Variants in HK2 observed in about 807,000 individuals in gnomAD.
HK2 encodes hexokinase-2.
Under a neutral mutation model 92.9 loss-of-function variants are expected in HK2, and 42 were observed. The ratio of observed to expected loss-of-function variants is 0.45; its 90% CI spans 0.35 to 0.58. The LOEUF (loss-of-function observed/expected upper bound fraction) is 0.58. Ranked by LOEUF, HK2 falls within the 20% of genes least tolerant of loss-of-function variation. The pLI is 0.00. For missense variants in HK2, 978 were observed against 1,245.1 expected, an observed-to-expected ratio of 0.79 and a Z score of 3.23; for synonymous variants, 422 against 468.0, an observed-to-expected ratio of 0.90 and a Z score of 1.27.
chr2:74,877,254 G>C lies in HK2; in HGVS notation c.964G>C (p.Gly322Arg). The change falls in exon 8 of 18, where the codon GGG (glycine) becomes CGG (arginine). Residue 322 changes from glycine to arginine, a missense_variant. This residue lies in a region of HK2 where 742 missense variants were observed against 922.5 expected (regional missense o/e 0.80). Coordinates refer to ENST00000290573, the MANE Select transcript of HK2 (RefSeq NM_000189.5). Reference sequence around the variant, plus strand: ...GGCCAAGGAGGAGCTGCTCTTTGGGGGGAAGCTCAGCCCAGAGCTTCTCAA... The same window carrying C: ...GGCCAAGGAGGAGCTGCTCTTTGGGCGGAAGCTCAGCCCAGAGCTTCTCAA... ...KMAKEELLFG[G>R]KLSPELLNTG... The C allele has an allele frequency of 6.2e-7, 1 of 1,614,170 alleles. No homozygotes were observed. The highest frequency in any genetic ancestry group is 1.1e-5 in the South Asian group (1 of 91,086).
intron 1 of HK2, among the ~76,000 whole-genome samples, chr2:74,850,507 A>G (rs1031216998): frequency 1.3e-5 from 2 of 152,152 alleles, no homozygotes; most frequent in Non-Finnish European, 2.9e-5. Flanking sequence ...TACTATGTTT[A>G]GTGGGATTTT....
chr2:74,871,494 C>T (rs935547329), intron 3 of HK2, among the ~76,000 whole-genome samples: 2 of 152,112 alleles, frequency 1.3e-5, no homozygotes, highest in Admixed American at 6.5e-5. Context: ...GCAAGAAGGA[C>T]GCCAGGGGAT....
chr2:74,889,171 T>C (rs1282057181), intron 16 of HK2, 74 bp from the exon 17 acceptor site: 4 of 1,252,678 alleles, frequency 3.2e-6, no homozygotes, highest in Non-Finnish European at 4.6e-6. Flanking sequence ...CTGTAAGGAC[T>C]CAGGCCCTGG....
chr2:74,839,341 C>T (rs1371820662), intron 1 of HK2, among the ~76,000 whole-genome samples: 5 of 152,232 alleles, frequency 3.3e-5, no homozygotes, highest in East Asian at 3.9e-4. Flanking sequence ...TTAGTCCGCA[C>T]GTATGGGATT....
intron 2 of HK2, among the ~76,000 whole-genome samples, chr2:74,859,291 C>G (rs777601953): frequency 2.6e-5 from 4 of 152,100 alleles, no homozygotes; most frequent in Non-Finnish European, 5.9e-5. Context: ...AGGGTTCAGA[C>G]GTATACTTAC....
intron 9 of HK2, among the ~76,000 whole-genome samples, chr2:74,879,550 G>C (rs1689328390): frequency 6.6e-6 from 1 of 152,200 alleles, no homozygotes; most frequent in Admixed American, 6.5e-5. Flanking sequence ...ACTCGAGTGT[G>C]CACGTGAATC....
At chr2:74,873,965 A>G (rs763046913) in intron 6 of HK2, 22 bp downstream of exon 6, 1 of 1,572,334 alleles carries the variant, frequency 6.4e-7, no homozygotes, top group South Asian at 1.1e-5. Flanking sequence ...CCGTGCATGA[A>G]GGGCCCGTGC....
intron 7 of HK2, among the ~76,000 whole-genome samples, chr2:74,876,253 A>G (rs573188618): frequency 6.6e-6 from 1 of 152,268 alleles, no homozygotes; most frequent in South Asian, 2.1e-4. Context: ...TCGGAAAGGT[A>G]ACCTTGGAAT....
intron 1 of HK2, among the ~76,000 whole-genome samples, chr2:74,842,867 C>G (rs1688349631): frequency 6.6e-6 from 1 of 152,242 alleles, no homozygotes; most frequent in Admixed American, 6.5e-5. Flanking sequence ...GCAGGAGACA[C>G]AGTTGTGCTG....
intron 11 of HK2, 57 bp downstream of exon 11, chr2:74,881,916 C>T (rs941010247): frequency 8.2e-6 from 13 of 1,584,422 alleles, no homozygotes; most frequent in Middle Eastern, 1.7e-4. Flanking sequence ...CTCTTGCCTT[C>T]GAGGACAGTG....
intron 1 of HK2, among the ~76,000 whole-genome samples, chr2:74,838,917 C>T (rs1688238134): frequency 6.6e-6 from 1 of 152,048 alleles, no homozygotes; most frequent in African/African-American, 2.4e-5. Flanking sequence ...CAGGGTTAAC[C>T]ATAGAGATAA....
chr2:74,838,814 A>T (rs574446789), intron 1 of HK2, among the ~76,000 whole-genome samples: 2 of 152,322 alleles, frequency 1.3e-5, no homozygotes, highest in East Asian at 3.9e-4. Flanking sequence ...GTGGGATTAC[A>T]GGAGTGAGCC....
At position 74,889,479 on chromosome 2, in the gene HK2, G is replaced by A; in HGVS notation, c.2609+1G>A. The A allele has an allele frequency of 1.3e-6, 2 of 1,589,682 alleles. No homozygotes were observed. The highest frequency in any genetic ancestry group is 1.7e-6 in the Non-Finnish European group (2 of 1,161,040). ...GGACCCTCTACAAGCTACATCCTCA[G>A]TGAGTGCCTGATCCCAGCCCCCCCT... On this transcript the variant is annotated splice_donor_variant, in intron 17 of 17. Coordinates refer to ENST00000290573, the MANE Select transcript of HK2 (RefSeq NM_000189.5). LOFTEE classifies it high-confidence loss of function.
rs1054184510 is a variant in HK2, at chr2:74,889,293, G to A, written c.2424G>A (p.Gly808=). The A allele has an allele frequency of 6.2e-7, 1 of 1,614,210 alleles. No individual in the cohort carries two copies. The highest frequency in any genetic ancestry group is 8.5e-7 in the Non-Finnish European group (1 of 1,180,034). ...TCCGAGCCATCCTGCAACACTTAGG[G>A]CTTGAGAGCACCTGTGACGACAGCA... ...LQVRAILQHL[G]LESTCDDSII... Residue 808 remains glycine (G), a synonymous_variant, in exon 17 of 18, where the codon GGG becomes GGA. Transcript: ENST00000290573.
At position 74,892,979 on chromosome 2, in the gene HK2, A is replaced by C. The variant is rs1689717213; in HGVS notation, c.*2038A>C. The C allele has an allele frequency of 6.6e-6, 1 of 151,814 alleles. No homozygotes were observed. The highest frequency in any genetic ancestry group is 2.4e-5 in the African/African-American group (1 of 41,294). The allele number at this position is 151,814 out of a possible 1,614,324, so 9.4% of individuals were successfully genotyped here. A position where few individuals can be genotyped will look rare whatever the true frequency, so the allele number is the denominator to read the frequency against. ...AAAGGGTGCCCACAAAATAGAGATTAATTTTAACTTAAATTTTAAGCTTGA... is the reference window on the plus strand; with the variant it reads ...AAAGGGTGCCCACAAAATAGAGATTCATTTTAACTTAAATTTTAAGCTTGA... On this transcript the variant is annotated 3_prime_UTR_variant, in exon 18 of 18. Coordinates refer to ENST00000290573, the MANE Select transcript of HK2 (RefSeq NM_000189.5).
In HK2 at chr2:74,878,901, C is replaced by T. The variant is rs775545297; in HGVS notation, c.1245C>T (p.Ser415=). ...RLRSTIGVDG[S]VYKKHPHFAK... ...GCTCTACTATTGGGGTCGACGGTTC[C>T]GTCTACAAGAAACACCCCCAGTGAG... The change falls in exon 9 of 18, where the codon TCC becomes TCT. Residue 415 remains serine, a synonymous_variant. Coordinates refer to ENST00000290573, the MANE Select transcript of HK2 (RefSeq NM_000189.5). The T allele has an allele frequency of 1.3e-5, 20 of 1,551,294 alleles. No individual in the cohort carries two copies. Among genetic ancestry groups the T allele is most frequent in the East Asian group, 2.4e-5 (1 of 40,928 alleles).
chr2:74,854,120 T>A (rs1262932115), intron 1 of HK2, among the ~76,000 whole-genome samples, 173 bp from the exon 2 acceptor site: 4 of 152,162 alleles, frequency 2.6e-5, no homozygotes, highest in Non-Finnish European at 5.9e-5. Flanking sequence ...TTTGGTTTTT[T>A]TTTTTTAAGA....
chr2:74,886,719 T>C, intron 15 of HK2, 46 bp downstream of exon 15: 2 of 1,584,944 alleles, frequency 1.3e-6, no homozygotes, highest in Non-Finnish European at 1.7e-6. Flanking sequence ...CAGGACTGGA[T>C]GGCAACAAGT....
chr2:74,842,473 A>G lies in HK2; in HGVS notation c.63+7830A>G, dbSNP rs148726922. Among the ~76,000 whole-genome samples, 21 of 152,344 alleles carry G rather than the reference A, an allele frequency of 1.4e-4. No individual in the cohort carries two copies. In the East Asian group the frequency reaches 2.7e-3, roughly 20 times the overall value. ...CCTCATTGTAAGTCGGAGCATCTGTACATAGGGAGAGACACAGTCTTAGAT... is the reference window on the plus strand; with the variant it reads ...CCTCATTGTAAGTCGGAGCATCTGTGCATAGGGAGAGACACAGTCTTAGAT... On this transcript the variant is annotated intron_variant, in intron 1 of 17. Coordinates refer to ENST00000290573, the MANE Select transcript of HK2 (RefSeq NM_000189.5).
Sources: allele counts gnomAD v4.1 joint callset (sites outside exome capture counted in the v4.1 genomes callset), GRCh38; gene constraint gnomAD v4.1.1; regional missense constraint gnomAD v4.1.1; transcripts MANE v1.5; gene names NCBI Gene and HGNC (gene_info 2026-07-23, HGNC 2026-07-21).